Variants in SLC8A1 observed in about 807,000 individuals in gnomAD.
SLC8A1 encodes the protein solute carrier family 8 member A1.
In SLC8A1, 18 loss-of-function variants were observed where a neutral mutation model predicts 68.3. That is an observed-to-expected ratio of 0.26 (90% confidence interval 0.18 to 0.39). SLC8A1 has a LOEUF of 0.39. Ranked by LOEUF, SLC8A1 falls within the 10% of genes least tolerant of loss-of-function variation. The pLI is 1.00. For missense variants in SLC8A1, 985 were observed against 1,156.7 expected, an observed-to-expected ratio of 0.85 and a Z score of 2.15; for synonymous variants, 475 against 415.5, an observed-to-expected ratio of 1.14 and a Z score of -1.74.
intron 1 of SLC8A1, among the ~76,000 whole-genome samples, chr2:40,451,341 C>A (rs1224746209): frequency 6.6e-6 from 1 of 152,146 alleles, no homozygotes; most frequent in Non-Finnish European, 1.5e-5. Flanking sequence ...TCTTCCTCGT[C>A]TGTCTCTGCC....
At chr2:40,334,261 A>G (rs1172093463) in intron 2 of SLC8A1, among the ~76,000 whole-genome samples, 1 of 152,200 alleles carries the variant, frequency 6.6e-6, no homozygotes, top group Non-Finnish European at 1.5e-5. Context: ...GATGTTATCA[A>G]TGGAGGAAAG....
chr2:40,313,490 G>A (rs937554333), intron 2 of SLC8A1, among the ~76,000 whole-genome samples: 1 of 152,014 alleles, frequency 6.6e-6, no homozygotes, highest in Admixed American at 6.6e-5. Flanking sequence ...GGTCTCCTAA[G>A]GTAGTCGTAC....
intron 2 of SLC8A1, among the ~76,000 whole-genome samples, chr2:40,254,252 G>T (rs2063499755): frequency 6.6e-6 from 1 of 152,048 alleles, no homozygotes; most frequent in South Asian, 2.1e-4. Context: ...AATGAGATTG[G>T]GGTCTTAAGT....
At chr2:40,162,948 A>G (rs1443968629) in intron 5 of SLC8A1, among the ~76,000 whole-genome samples, 2 of 152,202 alleles carry the variant, frequency 1.3e-5, no homozygotes, top group African/African-American at 4.8e-5. Flanking sequence ...GTTCTTTAAA[A>G]TACCTATGTT....
intron 2 of SLC8A1, among the ~76,000 whole-genome samples, chr2:40,313,073 AC>A (rs941540886): frequency 5.3e-5 from 8 of 152,022 alleles, no homozygotes; most frequent in African/African-American, 1.9e-4. Flanking sequence ...CGTATCCATT[AC>A]CCCCCAAAGT....
chr2:40,465,592 G>A (rs776274211), intron 1 of SLC8A1, among the ~76,000 whole-genome samples: 15 of 151,938 alleles, frequency 9.9e-5, no homozygotes, highest in African/African-American at 1.7e-4. Flanking sequence ...ATTAAGTAAC[G>A]TATTAATTTA....
chr2:40,287,619 T>TGTGTGTGTGTGTGTGTGTGTGTGTGTGC (rs1218621116), intron 2 of SLC8A1, among the ~76,000 whole-genome samples: 5 of 148,500 alleles, frequency 3.4e-5, no homozygotes, highest in Admixed American at 1.3e-4. Flanking sequence ...TGTGTGTGTG[T>TGTGTGTGTGTGTGTGTGTGTGTGTGTGC]GCATGCAGGG....
In SLC8A1 at chr2:40,187,791, T is replaced by C. The variant is rs555767295; in HGVS notation, c.1809-9936A>G. ...TTTTAATAAATAATAGGCTAGTCTG[T>C]CTAGTATCCCCACAATGTTCTATGC... On this transcript the variant is annotated intron_variant, in intron 2 of 7. Transcript: ENST00000406785. 2.1e-3 allele frequency among the ~76,000 whole-genome samples: 319 copies of C among 152,298 alleles called. 1 individual carries two copies. The highest frequency in any genetic ancestry group is 7.5e-3 in the African/African-American group (312 of 41,554).
intron 1 of SLC8A1, 90 bp from the exon 2 acceptor site, chr2:40,430,394 C>G: frequency 7.5e-7 from 1 of 1,330,242 alleles, no homozygotes; most frequent in Non-Finnish European, 1.0e-6. Context: ...ATTTTTATTA[C>G]TCTTACCAAA....
At chr2:40,327,642 A>C (rs2075978785) in intron 2 of SLC8A1, among the ~76,000 whole-genome samples, 1 of 152,216 alleles carries the variant, frequency 6.6e-6, no homozygotes, top group South Asian at 2.1e-4. Flanking sequence ...ATCTTCAGTG[A>C]ATTAATGCAG....
chr2:40,131,695 G>A (rs2039364256), intron 7 of SLC8A1, among the ~76,000 whole-genome samples: 2 of 152,118 alleles, frequency 1.3e-5, no homozygotes, highest in Admixed American at 1.3e-4. Context: ...ATGACTGCTA[G>A]GAGGGTGTCC....
At chr2:40,178,648 T>A (rs2048910123) in intron 2 of SLC8A1, among the ~76,000 whole-genome samples, 155 bp from the exon 3 acceptor site, 1 of 152,146 alleles carries the variant, frequency 6.6e-6, no homozygotes, top group Non-Finnish European at 1.5e-5. Context: ...AGAATGGGTA[T>A]CAGATAGGTA....
chr2:40,399,309 C>T (rs977840971), intron 2 of SLC8A1, among the ~76,000 whole-genome samples: 2 of 151,412 alleles, frequency 1.3e-5, no homozygotes, highest in South Asian at 2.1e-4. Flanking sequence ...CTCCTCTACC[C>T]CTCGTCTCCC....
chr2:40,306,471 G>A (rs536881097), intron 2 of SLC8A1, among the ~76,000 whole-genome samples: 2 of 152,100 alleles, frequency 1.3e-5, no homozygotes, highest in South Asian at 4.2e-4. Context: ...GCATAGCGTG[G>A]AATATTTCAG....
chr2:40,191,558 A>T (rs2051847357), intron 2 of SLC8A1, among the ~76,000 whole-genome samples: 1 of 152,186 alleles, frequency 6.6e-6, no homozygotes, highest in Non-Finnish European at 1.5e-5. Flanking sequence ...CTTGTTTATG[A>T]TGGAAGTTTC....
chr2:40,102,515 A>G (rs1222546417), exon 8 of SLC8A1: 3 of 152,198 alleles, frequency 2.0e-5, no homozygotes, highest in Non-Finnish European at 2.9e-5. Flanking sequence ...ACATGTAATT[A>G]GAATCTGCAG....
chr2:40,319,983 G>A (rs1408218464), intron 2 of SLC8A1, among the ~76,000 whole-genome samples: 2 of 152,088 alleles, frequency 1.3e-5, no homozygotes, highest in African/African-American at 4.8e-5. Context: ...GGGGATTATG[G>A]CACCTCCCTT....
chr2:40,360,107 C>G (rs543841223), intron 2 of SLC8A1, among the ~76,000 whole-genome samples: 1 of 152,268 alleles, frequency 6.6e-6, no homozygotes, highest in Non-Finnish European at 1.5e-5. Context: ...GGTCATGTTA[C>G]TATCCCCATT....
chr2:40,485,390 G>C (rs1704897115), intron 1 of SLC8A1, among the ~76,000 whole-genome samples: 1 of 152,074 alleles, frequency 6.6e-6, no homozygotes, highest in Non-Finnish European at 1.5e-5. Context: ...AAAAATAACT[G>C]ATTTGAACAA....
Sources: allele counts gnomAD v4.1 joint callset (sites outside exome capture counted in the v4.1 genomes callset), GRCh38; gene constraint gnomAD v4.1.1; transcripts MANE v1.5; gene names NCBI Gene and HGNC (gene_info 2026-07-23, HGNC 2026-07-21).